The following SLC23A2 variants were observed in gnomAD, a reference collection of about 807,000 sequenced individuals.
SLC23A2 encodes solute carrier family 23 member 2, also known as Na(+)/L-ascorbic acid transporter 2.
A neutral mutation model predicts 73.3 loss-of-function variants in SLC23A2; 36 were observed. The ratio of observed to expected loss-of-function variants is 0.49; its 90% confidence interval spans 0.38 to 0.65. The LOEUF (loss-of-function observed/expected upper bound fraction) is 0.65. Ranked by LOEUF, SLC23A2 falls within the 30% of genes least tolerant of loss-of-function variation. SLC23A2 has a pLI of 0.00. For missense variants in SLC23A2, 507 were observed against 841.6 expected, an observed-to-expected ratio of 0.60 and a Z score of 4.92; for synonymous variants, 343 against 327.3, an observed-to-expected ratio of 1.05 and a Z score of -0.52.
chr20:4,976,398 G>A (rs554367245), intron 1 of SLC23A2, among the ~76,000 whole-genome samples: 16 of 152,066 alleles, frequency 1.1e-4, no homozygotes, highest in South Asian at 4.2e-4. Context: ...CTCCCCGGCC[G>A]GGCACGGTGG....
At chr20:5,008,856 C>T (rs1469655348) in intron 1 of SLC23A2, among the ~76,000 whole-genome samples, 1 of 152,146 alleles carries the variant, frequency 6.6e-6, no homozygotes. Context: ...CATGAGTCAC[C>T]ACGCTCGGCC....
At chr20:5,006,994 A>G (rs1466178725) in intron 1 of SLC23A2, among the ~76,000 whole-genome samples, 1 of 151,126 alleles carries the variant, frequency 6.6e-6, no homozygotes, top group East Asian at 1.9e-4. Context: ...TGCGTGTTCA[A>G]TGATGTGCAT....
intron 4 of SLC23A2, among the ~76,000 whole-genome samples, chr20:4,906,928 G>A (rs1224550937): frequency 6.6e-6 from 1 of 152,202 alleles, no homozygotes; most frequent in Non-Finnish European, 1.5e-5. Context: ...AGGATGCTGT[G>A]AAGAGGTGGG....
At chr20:4,901,321 T>C (rs2122871011) in intron 5 of SLC23A2, among the ~76,000 whole-genome samples, 1 of 152,174 alleles carries the variant, frequency 6.6e-6, no homozygotes, top group South Asian at 2.1e-4. Context: ...AATCAACCTC[T>C]CTGGACAATG....
At chr20:4,966,330 A>C (rs1187313155) in intron 2 of SLC23A2, among the ~76,000 whole-genome samples, 1 of 152,138 alleles carries the variant, frequency 6.6e-6, no homozygotes, top group Admixed American at 6.6e-5. Flanking sequence ...ATTATGAAAT[A>C]CTGAAAAATC....
chr20:4,938,945 G>A (rs2087001607), intron 2 of SLC23A2, among the ~76,000 whole-genome samples: 1 of 152,104 alleles, frequency 6.6e-6, no homozygotes, highest in Non-Finnish European at 1.5e-5. Flanking sequence ...CATGATGTCA[G>A]AGGACCATGT....
At chr20:5,005,126 CT>C (rs1002134891), upstream of SLC23A2, among the ~76,000 whole-genome samples, 54 of 147,672 alleles carry the variant, frequency 3.7e-4, no homozygotes, top group Non-Finnish European at 5.4e-4. Context: ...TCTTTTTCTT[CT>C]TTTTTTTTTG....
intron 6 of SLC23A2, among the ~76,000 whole-genome samples, chr20:4,889,141 G>T (rs1931218734): frequency 6.6e-6 from 1 of 152,334 alleles, no homozygotes; most frequent in South Asian, 2.1e-4. Flanking sequence ...TCACATATAA[G>T]GGGCCGTGAT....
Position 4,874,602 on chromosome 20 carries a change from T to G in SLC23A2, c.919A>C (p.Lys307Gln). The change falls in exon 10 of 17, where the codon AAG (lysine) becomes CAG (glutamine). Residue 307 changes from lysine to glutamine, a missense_variant. By Grantham distance (53) the Lys-to-Gln change is moderately conservative (BLOSUM62 1). Coordinates refer to ENST00000338244, the MANE Select transcript of SLC23A2 (RefSeq NM_005116.6). Reference sequence around the variant, plus strand: ...GGGAACATTTTGAACAGCTGTAACTTGTACGCAGTCCATCCTTTCTTGGAT... The same window carrying G: ...GGGAACATTTTGAACAGCTGTAACTGGTACGCAGTCCATCCTTTCTTGGAT... The part of the protein sequence containing the change: ...YKSKKGWTAY[K>Q]LQLFKMFPII... 1.2e-6 allele frequency: 2 copies of G among 1,611,744 alleles called. No homozygotes were observed. Among genetic ancestry groups the G allele is most frequent in the Non-Finnish European group, 1.7e-6 (2 of 1,179,240 alleles).
At chr20:4,966,473 G>T (rs1252326019) in intron 2 of SLC23A2, among the ~76,000 whole-genome samples, 2 of 152,052 alleles carry the variant, frequency 1.3e-5, no homozygotes, top group Non-Finnish European at 2.9e-5. Flanking sequence ...GGTCCAACTG[G>T]TATGTGCTAT....
At chr20:4,970,161 T>C (rs962481543) in intron 2 of SLC23A2, among the ~76,000 whole-genome samples, 1 of 152,104 alleles carries the variant, frequency 6.6e-6, no homozygotes, top group Non-Finnish European at 1.5e-5. Flanking sequence ...TTTTTGCTGA[T>C]AATAAAGTCA....
intron 1 of SLC23A2, among the ~76,000 whole-genome samples, chr20:5,000,306 G>A (rs13042903): frequency 0.32 from 49,337 of 151,912 alleles, 8,779 homozygotes; most frequent in Admixed American, 0.4. Context: ...AAATACAAAA[G>A]CATAAAATAA....
rs540365778 is a variant in SLC23A2 at position 4,924,266 on chromosome 20, C to A, written c.108+8189G>T. On this transcript the variant is annotated intron_variant, in intron 3 of 16. Transcript: ENST00000338244. Reference sequence around the variant, plus strand: ...CTCTCGGCCACACCTCCAGCCAACCCTTCCTCCACTGTGGCTCCTCCCCGT... The same window carrying A: ...CTCTCGGCCACACCTCCAGCCAACCATTCCTCCACTGTGGCTCCTCCCCGT... Among the ~76,000 whole-genome samples, 12 of 152,312 alleles carry A rather than the reference C, an allele frequency of 7.9e-5. No homozygotes were observed. The East Asian group carries it at 1.4e-3, about 17-fold the overall frequency.
chr20:4,983,810 G>A (rs1209084161), intron 1 of SLC23A2, among the ~76,000 whole-genome samples: 3 of 151,654 alleles, frequency 2.0e-5, no homozygotes, highest in Admixed American at 1.3e-4. Context: ...TACAAAATTA[G>A]CCAGGCGTGG....
chr20:5,003,365 C>T (rs1386827587), upstream of SLC23A2, among the ~76,000 whole-genome samples: 1 of 152,076 alleles, frequency 6.6e-6, no homozygotes, highest in Non-Finnish European at 1.5e-5. Context: ...GCCTGGGCGA[C>T]AGAGCAAGAC....
intron 2 of SLC23A2, among the ~76,000 whole-genome samples, chr20:4,948,817 G>C (rs565234541): frequency 4.3e-4 from 65 of 152,226 alleles, no homozygotes; most frequent in Middle Eastern, 3.4e-3. Context: ...CAGATGTCTT[G>C]CTTTTTTCTG....
rs555533100 is a variant in SLC23A2, at chr20:4,989,659, G to A, written c.-282+11747C>T. On this transcript the variant is annotated intron_variant, in intron 1 of 16. Coordinates refer to ENST00000338244, the MANE Select transcript of SLC23A2 (RefSeq NM_005116.6). ...CCACTATACTTCAGCCTGAGTGACA[G>A]AGCAAGATCCCTTAAAAAAAAAAAA... Among the ~76,000 whole-genome samples, 13 of 151,454 alleles carry A rather than the reference G, an allele frequency of 8.6e-5. No individual in the cohort carries two copies. In the South Asian group the frequency reaches 2.7e-3, roughly 32 times the overall value.
At chr20:4,898,134 A>G (rs959601404) in intron 6 of SLC23A2, among the ~76,000 whole-genome samples, 4 of 152,214 alleles carry the variant, frequency 2.6e-5, no homozygotes, top group African/African-American at 9.6e-5. Context: ...TCCTTCCCCT[A>G]GTCGGTCAGT....
chr20:4,940,170 T>A (rs2087018144), intron 2 of SLC23A2, among the ~76,000 whole-genome samples: 1 of 151,962 alleles, frequency 6.6e-6, no homozygotes. Context: ...ATACAAAAAA[T>A]TAGCTGGGTG....
Sources: allele counts gnomAD v4.1 joint callset (sites outside exome capture counted in the v4.1 genomes callset), GRCh38; gene constraint gnomAD v4.1.1; transcripts MANE v1.5; gene names NCBI Gene and HGNC (gene_info 2026-07-23, HGNC 2026-07-21).